PPARGC1A: variants seen among roughly 807,000 people sequenced by gnomAD.
PPARGC1A encodes the protein peroxisome proliferator-activated receptor gamma coactivator 1-alpha.
PPARGC1A carries 25 observed loss-of-function variants against 88.7 expected under a neutral mutation model. That is an observed-to-expected ratio of 0.28 (90% CI 0.21 to 0.39). PPARGC1A has a LOEUF of 0.39. Ranked by LOEUF, PPARGC1A falls within the 10% of genes least tolerant of loss-of-function variation. The pLI is 1.00. For synonymous variants in PPARGC1A, 363 were observed against 355.6 expected, an observed-to-expected ratio of 1.02 and a Z score of -0.24; for missense variants, 880 against 968.7, an observed-to-expected ratio of 0.91 and a Z score of 1.22.
At position 23,859,790 on chromosome 4, in the gene PPARGC1A, TAAAATAAAATAAAATAAAATAAAATA is replaced by T. The variant is rs1433906767; in HGVS notation, c.234+24936_234+24961del. Among the ~76,000 whole-genome samples the T allele has an allele frequency of 0.017, 63 of 3,732 alleles. No individual in the cohort carries two copies. The African/African-American group carries it at 0.21, about 12-fold the overall frequency. 2.4% of individuals were successfully genotyped at this position (3,732 alleles called of 152,430 possible). ...TGCAAGACACCGTCTCAAAATAAAA[TAAAATAAAATAAAATAAAATAAAATA>T]AAATAAAATAAAATAAAATAAAATA... On this transcript the variant is annotated intron_variant, in intron 2 of 12. Transcript: ENST00000264867.
At chr4:24,183,717 C>A in the PPARGC1A span, among the ~76,000 whole-genome samples, 1 of 152,158 alleles carries the variant, frequency 6.6e-6, no homozygotes, top group Non-Finnish European at 1.5e-5. Context: ...CTTCAATGAC[C>A]TTGTTACCTA....
the PPARGC1A span, among the ~76,000 whole-genome samples, chr4:24,309,142 A>G: frequency 7.6e-4 from 66 of 86,720 alleles, no homozygotes; most frequent in Non-Finnish European, 1.8e-3. Flanking sequence ...GTGTGGAAAG[A>G]AAAAAAAAGA....
At chr4:24,366,836 G>C in the PPARGC1A span, among the ~76,000 whole-genome samples, 1 of 152,148 alleles carries the variant, frequency 6.6e-6, no homozygotes, top group African/African-American at 2.4e-5. Flanking sequence ...TTTGTTTTCT[G>C]AAATAGAAAC....
the PPARGC1A span, among the ~76,000 whole-genome samples, chr4:23,947,291 C>T: frequency 6.8e-6 from 1 of 147,214 alleles, no homozygotes; most frequent in Non-Finnish European, 1.5e-5. Flanking sequence ...CATAGATTAG[C>T]TCATTTTACC....
chr4:24,221,817 GTTATAC>G, the PPARGC1A span, among the ~76,000 whole-genome samples: 116,423 of 151,540 alleles, frequency 0.77, 46,962 homozygotes, highest in Middle Eastern at 0.91. Context: ...GAATGGAATT[GTTATAC>G]TTAAATTAAC....
At chr4:24,030,410 AGT>A in the PPARGC1A span, among the ~76,000 whole-genome samples, 3 of 152,258 alleles carry the variant, frequency 2.0e-5, no homozygotes, top group African/African-American at 7.2e-5. Flanking sequence ...GTTTACATTC[AGT>A]GTAAATAAGT....
the PPARGC1A span, among the ~76,000 whole-genome samples, chr4:24,052,545 G>A: frequency 6.6e-6 from 1 of 151,566 alleles, no homozygotes; most frequent in Admixed American, 6.6e-5. Flanking sequence ...GCTGAGACAG[G>A]AGAATCACTT....
chr4:23,802,248 C>T lies in PPARGC1A; in HGVS notation c.2117G>A (p.Cys706Tyr). The T allele has an allele frequency of 6.2e-7, 1 of 1,614,056 alleles. No individual in the cohort carries two copies. The highest frequency in any genetic ancestry group is 1.1e-5 in the South Asian group (1 of 91,070). Residue 706 changes from cysteine (C) to tyrosine (Y), a missense_variant, in exon 11 of 13, where the codon TGC (cysteine) becomes TAC (tyrosine). Cys to Tyr is a radical substitution (Grantham distance 194). Transcript: ENST00000264867. ...CCCATCATCCCGCAGATTTACTGTGCACTCCTCAATTTCACCAAAAACTTC... is the reference window on the plus strand; with the variant it reads ...CCCATCATCCCGCAGATTTACTGTGTACTCCTCAATTTCACCAAAAACTTC... ...RFEVFGEIEE[C>Y]TVNLRDDGDS...
At chr4:24,248,578 C>A in the PPARGC1A span, among the ~76,000 whole-genome samples, 66 of 152,272 alleles carry the variant, frequency 4.3e-4, no homozygotes, top group Non-Finnish European at 8.4e-4. Flanking sequence ...ATACCCTCCC[C>A]CAGCGACCAT....
At chr4:23,831,469 C>T in intron 3 of PPARGC1A, 88 bp downstream of exon 3, 1 of 1,235,362 alleles carries the variant, frequency 8.1e-7, no homozygotes, top group Non-Finnish European at 1.1e-6. Flanking sequence ...ATGAAAAAAT[C>T]CAAACCTTAT....
At chr4:24,217,959 C>T in the PPARGC1A span, among the ~76,000 whole-genome samples, 2 of 152,164 alleles carry the variant, frequency 1.3e-5, no homozygotes, top group Non-Finnish European at 2.9e-5. Context: ...AATATTTATA[C>T]AAAAATCACA....
the PPARGC1A span, among the ~76,000 whole-genome samples, chr4:23,978,081 C>A: frequency 9.8e-5 from 15 of 152,296 alleles, no homozygotes; most frequent in Middle Eastern, 3.4e-3. Context: ...CTCACCACCC[C>A]CAGCCTCCAA....
At chr4:24,096,233 T>C in the PPARGC1A span, among the ~76,000 whole-genome samples, 2 of 152,304 alleles carry the variant, frequency 1.3e-5, no homozygotes, top group Non-Finnish European at 2.9e-5. Flanking sequence ...TGATTATAAA[T>C]TTCCTGGGGC....
the PPARGC1A span, among the ~76,000 whole-genome samples, chr4:24,209,242 A>T: frequency 3.9e-5 from 6 of 152,132 alleles, no homozygotes; most frequent in Admixed American, 3.9e-4. Context: ...CCTCCGGAAG[A>T]ATCTAAAACA....
the PPARGC1A span, among the ~76,000 whole-genome samples, chr4:23,996,365 GA>G: frequency 3.3e-5 from 5 of 152,176 alleles, no homozygotes; most frequent in Non-Finnish European, 7.3e-5. Context: ...CTGCAGGTGA[GA>G]AAAGTCCCCC....
the PPARGC1A span, among the ~76,000 whole-genome samples, chr4:24,075,751 C>T: frequency 1.3e-5 from 2 of 152,156 alleles, no homozygotes; most frequent in Non-Finnish European, 2.9e-5. Context: ...CTTTTCTCCT[C>T]CTTGCCTTCT....
the PPARGC1A span, among the ~76,000 whole-genome samples, chr4:24,280,038 C>A: frequency 6.6e-6 from 1 of 152,126 alleles, no homozygotes; most frequent in South Asian, 2.1e-4. Flanking sequence ...CAACAATGCC[C>A]CACACATCCC....
intron 2 of PPARGC1A, among the ~76,000 whole-genome samples, chr4:23,841,913 T>C (rs924572467): frequency 7.9e-5 from 12 of 152,154 alleles, no homozygotes; most frequent in African/African-American, 2.9e-4. Flanking sequence ...CTACATGCAT[T>C]ATTTAATGGA....
the PPARGC1A span, among the ~76,000 whole-genome samples, chr4:24,393,847 A>G: frequency 3.5e-4 from 54 of 152,218 alleles, no homozygotes; most frequent in Non-Finnish European, 6.8e-4. Flanking sequence ...CGCCGGGCAT[A>G]GTGGCTCACA....
Sources: gnomAD v4.1 joint callset for allele counts (sites outside exome capture counted in the v4.1 genomes callset) on GRCh38, gnomAD v4.1.1 for gene constraint, MANE v1.5 for transcripts, NCBI Gene and HGNC (gene_info 2026-07-23, HGNC 2026-07-21) for gene names.